The following CCS variants were observed in gnomAD, a reference collection of about 807,000 sequenced individuals.
CCS encodes the protein copper chaperone for superoxide dismutase.
Under a neutral mutation model 35.5 loss-of-function variants are expected in CCS, and 32 were observed. The ratio of observed to expected loss-of-function variants is 0.90; its 90% CI spans 0.68 to 1.21. CCS has a LOEUF of 1.21. CCS is among the 50% of genes most tolerant of loss of function. The pLI is 0.00. For missense variants in CCS, 342 were observed against 375.4 expected (o/e 0.91, Z 0.73); for synonymous variants, 130 against 147.2 (o/e 0.88, Z 0.84).
rs775987671 is a variant in CCS, at chr11:66,605,611, T to C, written c.671+19T>C. On this transcript the variant is annotated intron_variant, in intron 7 of 7. Transcript: ENST00000533244. ...GGGAGAGGTGAGTGGTGTCGGCCCC[T>C]GTAGGAGGCTGTGCTCTGCGGATGG... 3 of 1,608,620 alleles carry C rather than the reference T, an allele frequency of 1.9e-6. No individual in the cohort carries two copies. Among genetic ancestry groups the C allele is most frequent in the East Asian group, 4.5e-5 (2 of 44,842 alleles).
In CCS at chr11:66,605,478, T is replaced by TC. The variant is rs1224488398; in HGVS notation, c.568-7dup. On this transcript the variant is annotated splice_polypyrimidine_tract_variant and intron_variant, in intron 6 of 7. Transcript: ENST00000533244. ...GGGTCCATCATCTGAAGCTGTCGTC[T>TC]CCCCTCAAAGGTGTGGGATGTGATT... 3 of 1,613,598 alleles carry TC rather than the reference T, an allele frequency of 1.9e-6. No individual in the cohort carries two copies. Among genetic ancestry groups the TC allele is most frequent in the Non-Finnish European group, 2.5e-6 (3 of 1,179,574 alleles).
At position 66,593,253 on chromosome 11, in the gene CCS, G is replaced by A; in HGVS notation, c.-9G>A. On this transcript the variant is annotated 5_prime_UTR_variant, in exon 1 of 8. Coordinates refer to ENST00000533244, the MANE Select transcript of CCS (RefSeq NM_005125.2). ...AGTTCTGCGTCTCGGGGTGGTGACT[G>A]GGTCCAGAATGGCTTCGGATTCGGG... is the stretch of plus-strand genomic sequence containing the variant. 6.4e-7 allele frequency: 1 copy of A among 1,561,800 alleles called. No individual in the cohort carries two copies. The highest frequency in any genetic ancestry group is 8.7e-7 in the Non-Finnish European group (1 of 1,153,488).
At chr11:66,602,681 A>G (rs1213595387) in intron 5 of CCS, among the ~76,000 whole-genome samples, 1 of 152,236 alleles carries the variant, frequency 6.6e-6, no homozygotes, top group Non-Finnish European at 1.5e-5. Context: ...CAAAGCCCTC[A>G]AGGCATGGAA....
chr11:66,605,241 G>T, intron 5 of CCS, 98 bp from the exon 6 acceptor site: 1 of 1,568,528 alleles, frequency 6.4e-7, no homozygotes, highest in East Asian at 2.3e-5. Context: ...GGGTACTTTA[G>T]GGAAGCAGGA....
intron 5 of CCS, among the ~76,000 whole-genome samples, chr11:66,603,674 G>A (rs1265351712): frequency 3.3e-5 from 5 of 152,268 alleles, no homozygotes; most frequent in East Asian, 1.9e-4. Flanking sequence ...GTGAAACCCC[G>A]TCTCTACTAA....
At chr11:66,605,660 G>A in intron 7 of CCS, 42 bp from the exon 8 acceptor site, 1 of 1,579,136 alleles carries the variant, frequency 6.3e-7, no homozygotes, top group Non-Finnish European at 8.6e-7. Flanking sequence ...CAGGGGTGGG[G>A]GCCAAACAGG....
In CCS at chr11:66,593,259, A is replaced by T. The variant is rs75550902; in HGVS notation, c.-3A>T. On this transcript the variant is annotated 5_prime_UTR_variant, in exon 1 of 8. Transcript: ENST00000533244. Reference sequence around the variant, plus strand: ...GCGTCTCGGGGTGGTGACTGGGTCCAGAATGGCTTCGGATTCGGGGAACCA... The same window carrying T: ...GCGTCTCGGGGTGGTGACTGGGTCCTGAATGGCTTCGGATTCGGGGAACCA... 1,420 of 1,561,994 alleles carry T rather than the reference A, an allele frequency of 9.1e-4. 12 individuals are homozygous for T. The African/African-American group carries it at 0.017, about 19-fold the overall frequency.
chr11:66,603,773 G>A (rs1858607433), intron 5 of CCS, among the ~76,000 whole-genome samples: 1 of 152,168 alleles, frequency 6.6e-6, no homozygotes, highest in Admixed American at 6.6e-5. Flanking sequence ...GTGAACCTGG[G>A]AGGCGGAGCT....
intron 1 of CCS, 32 bp downstream of exon 1, chr11:66,593,332 C>T: frequency 1.3e-6 from 2 of 1,494,636 alleles, no homozygotes; most frequent in South Asian, 1.3e-5. Flanking sequence ...GGAGCCTCGC[C>T]GGGCAGAGAG....
At position 66,605,424 on chromosome 11, in the gene CCS, G is replaced by A. The variant is rs376596272; in HGVS notation, c.567+8G>A. On this transcript the variant is annotated splice_region_variant and intron_variant, in intron 6 of 7. Transcript: ENST00000533244. ...GAGGATGAGCAGCTGAAGGTAAGGT[G>A]GAAAAGAAGGTGGGCACCCTTCCTA... The A allele has an allele frequency of 6.2e-7, 1 of 1,614,110 alleles. No individual in the cohort carries two copies. The highest frequency in any genetic ancestry group is 8.5e-7 in the Non-Finnish European group (1 of 1,179,976).
rs756157198 is a variant in CCS at position 66,599,235 on chromosome 11, A to G, written c.232A>G (p.Met78Val). The change falls in exon 3 of 8, where the codon ATG (methionine) becomes GTG (valine). Residue 78 changes from methionine (M) to valine (V), a missense_variant. Coordinates refer to ENST00000533244, the MANE Select transcript of CCS (RefSeq NM_005125.2). ...GTGRQAVLKGMGSGQLQNLGA... is the reference protein window; with the variant it reads ...GTGRQAVLKGVGSGQLQNLGA... ...GGGGCGGCAGGCGGTACTCAAGGGCATGGGCAGCGGCCAGTTGCGTGAGTG... is the reference window on the plus strand; with the variant it reads ...GGGGCGGCAGGCGGTACTCAAGGGCGTGGGCAGCGGCCAGTTGCGTGAGTG... 1.9e-6 allele frequency: 3 copies of G among 1,608,846 alleles called. No individual in the cohort carries two copies. Among genetic ancestry groups the G allele is most frequent in the Admixed American group, 3.4e-5 (2 of 59,248 alleles).
intron 2 of CCS, among the ~76,000 whole-genome samples, chr11:66,594,286 G>T (rs1263198514): frequency 6.6e-6 from 1 of 152,176 alleles, no homozygotes; most frequent in East Asian, 1.9e-4. Flanking sequence ...GTGAACCCGG[G>T]AGGCGGAGCT....
At chr11:66,603,238 G>A (rs529213493) in intron 5 of CCS, among the ~76,000 whole-genome samples, 1 of 152,344 alleles carries the variant, frequency 6.6e-6, no homozygotes, top group South Asian at 2.1e-4. Flanking sequence ...CTCCTGCTGG[G>A]TCATGCCTCC....
Position 66,605,343 on chromosome 11 carries a change from G to A in CCS, c.494G>A (p.Arg165His), listed in dbSNP as rs772209003. 16 of 1,614,154 alleles carry A rather than the reference G, an allele frequency of 9.9e-6. No individual in the cohort carries two copies. The highest frequency in any genetic ancestry group is 6.7e-5 in the East Asian group (3 of 44,872). ...HGGPQDSDRH[R>H]GDLGNVRADA... Reference sequence around the variant, plus strand: ...ACACACTGGATCTCATTCCAGCACCGCGGAGACCTGGGCAATGTCCGTGCT... The same window carrying A: ...ACACACTGGATCTCATTCCAGCACCACGGAGACCTGGGCAATGTCCGTGCT... Residue 165 changes from arginine (R) to histidine (H), a missense_variant, in exon 6 of 8, where the codon CGC becomes CAC. By Grantham distance (29) the Arg-to-His change is conservative. Coordinates refer to ENST00000533244, the MANE Select transcript of CCS (RefSeq NM_005125.2).
At chr11:66,600,270 T>A (rs1224975729) in intron 4 of CCS, 1 of 388,700 alleles carries the variant, frequency 2.6e-6, no homozygotes, top group Non-Finnish European at 4.6e-6. Context: ...TATAACTAGT[T>A]GTTTACTCAT....
In CCS at chr11:66,598,008, T is replaced by G. The variant is rs1373703007; in HGVS notation, c.113-1108T>G. 2.7e-5 allele frequency among the ~76,000 whole-genome samples: 4 copies of G among 149,908 alleles called. No homozygotes were observed. The East Asian group carries it at 7.9e-4, about 30-fold the overall frequency. On this transcript the variant is annotated intron_variant, in intron 2 of 7. Coordinates refer to ENST00000533244, the MANE Select transcript of CCS (RefSeq NM_005125.2). ...GCTCACGCCTGTAGTCCCAACAGTT[T>G]GGGAGGCTGAGGTTGCAGTGAGCCG...
In CCS at chr11:66,605,233, G is replaced by A. The variant is rs1314422058; in HGVS notation, c.490-106G>A. On this transcript the variant is annotated intron_variant, in intron 5 of 7. Coordinates refer to ENST00000533244, the MANE Select transcript of CCS (RefSeq NM_005125.2). ...GACTGGTACCCACAGGAGGAAATGG[G>A]TACTTTAGGGAAGCAGGAAGAGGCG... 6 of 1,560,340 alleles carry A rather than the reference G, an allele frequency of 3.8e-6. No individual in the cohort carries two copies. In the African/African-American group the frequency reaches 6.8e-5, roughly 18 times the overall value.
intron 2 of CCS, among the ~76,000 whole-genome samples, chr11:66,596,469 T>C (rs1858479506): frequency 6.7e-6 from 1 of 148,308 alleles, no homozygotes; most frequent in African/African-American, 2.5e-5. Flanking sequence ...AAGCTCCGCC[T>C]CCCGGGTTCA....
chr11:66,602,862 G>A (rs1271906885), intron 5 of CCS, among the ~76,000 whole-genome samples: 1 of 152,230 alleles, frequency 6.6e-6, no homozygotes, highest in Admixed American at 6.5e-5. Context: ...CCAAGGCCAC[G>A]GTGACTGGCA....
Sources: gnomAD v4.1 joint callset for allele counts (sites outside exome capture counted in the v4.1 genomes callset) on GRCh38, gnomAD v4.1.1 for gene constraint, MANE v1.5 for transcripts, NCBI Gene and HGNC (gene_info 2026-07-23, HGNC 2026-07-21) for gene names.